The following HMCN1 variants were observed in gnomAD, a reference collection of about 807,000 sequenced individuals.
The protein encoded by HMCN1 is hemicentin 1.
A neutral mutation model predicts 625.9 loss-of-function variants in HMCN1; 321 were observed. That is an observed-to-expected ratio of 0.51 (90% CI 0.47 to 0.56). The LOEUF is 0.56. HMCN1 is among the 20% of genes least tolerant of loss of function. The probability of loss-of-function intolerance (pLI) is 0.00; values close to 1 mark genes in which losing one functional copy is unlikely to be tolerated. For missense variants in HMCN1, 6,588 were observed against 6,887.3 expected (o/e 0.96, Z 1.54); for synonymous variants, 2,425 against 2,417.6 (o/e 1.00, Z -0.09).
chr1:186,087,131 T>C (rs561352907), intron 58 of HMCN1, 86 bp from the exon 59 acceptor site: 34 of 823,296 alleles, frequency 4.1e-5, no homozygotes, highest in Non-Finnish European at 6.3e-5. Flanking sequence ...AGGGGAAGGA[T>C]ATATGTTGCT....
chr1:186,115,206 G>T, intron 74 of HMCN1, 52 bp from the exon 75 acceptor site: 1 of 1,597,812 alleles, frequency 6.3e-7, no homozygotes, highest in South Asian at 1.1e-5. Context: ...TATTTCAAAT[G>T]GCACGCTATT....
chr1:186,176,884 G>C (rs994804207), intron 103 of HMCN1: 1 of 152,658 alleles, frequency 6.6e-6, no homozygotes, highest in Admixed American at 6.5e-5. Flanking sequence ...AAAGGAAAGA[G>C]CAGGCCAGGT....
In HMCN1 at chr1:186,070,640, T is replaced by C; in HGVS notation, c.8022T>C (p.Leu2674=). ...CACCCATAATCAATAAAGGGGACCTTTGGGGGCCAGGTCTTTCCCCTAAAG... is the reference window on the plus strand; with the variant it reads ...CACCCATAATCAATAAAGGGGACCTCTGGGGGCCAGGTCTTTCCCCTAAAG... ...YIPPIINKGD[L]WGPGLSPKEV... is the part of the protein sequence containing the mutation. Residue 2674 remains leucine, a synonymous_variant, in exon 52 of 107, where the codon CTT becomes CTC. Transcript: ENST00000271588. 1 of 1,613,456 alleles carries C rather than the reference T, an allele frequency of 6.2e-7. No individual in the cohort carries two copies. Among genetic ancestry groups the C allele is most frequent in the South Asian group, 1.1e-5 (1 of 91,070 alleles).
chr1:185,920,258 T>C (rs1178650524), intron 6 of HMCN1, among the ~76,000 whole-genome samples: 1 of 151,896 alleles, frequency 6.6e-6, no homozygotes, highest in Non-Finnish European at 1.5e-5. Context: ...TTTAAACCAG[T>C]GTTAGTTTAT....
chr1:186,110,977 C>CTTTTT lies in HMCN1; in HGVS notation c.10990-1818_10990-1814dup, dbSNP rs557887846. On this transcript the variant is annotated intron_variant, in intron 71 of 106. Transcript: ENST00000271588. ...TACGGAAGAAAAACCAGAGAAAATT[C>CTTTTT]TTTTTTTTTTTTTTTTTTTTTGAGA... Among the ~76,000 whole-genome samples, 525 of 61,610 alleles carry CTTTTT rather than the reference C, an allele frequency of 8.5e-3. 173 individuals carry two copies. The highest frequency in any genetic ancestry group is 0.047 in the African/African-American group (476 of 10,174). 40.4% of individuals were successfully genotyped at this position (61,610 alleles called of 152,430 possible).
At chr1:186,163,998 A>G (rs1651702986) in intron 97 of HMCN1, among the ~76,000 whole-genome samples, 1 of 152,178 alleles carries the variant, frequency 6.6e-6, no homozygotes, top group African/African-American at 2.4e-5. Flanking sequence ...GCAGTGTCCC[A>G]CACAACATAA....
intron 1 of HMCN1, among the ~76,000 whole-genome samples, chr1:185,792,369 C>A (rs1658067715): frequency 2.0e-5 from 3 of 152,076 alleles, no homozygotes; most frequent in Non-Finnish European, 4.4e-5. Context: ...TCAAAGCATC[C>A]TTCTAGTTTT....
chr1:186,055,593 G>A lies in HMCN1; in HGVS notation c.7063G>A (p.Val2355Ile), dbSNP rs1203813740. The change falls in exon 45 of 107, where the codon GTA (valine) becomes ATA (isoleucine). Residue 2355 changes from valine to isoleucine, a missense_variant. Coordinates refer to ENST00000271588, the MANE Select transcript of HMCN1 (RefSeq NM_031935.3). The stretch of plus-strand genomic sequence containing the variant: ...CATCCTTCAGCTGAAGAACATTCAT[G>A]TATCTGACACAGGCCGTTATGTGTG... Reference protein sequence around the residue: ...GHILQLKNIHVSDTGRYVCVA... With the variant: ...GHILQLKNIHISDTGRYVCVA... 6.2e-7 allele frequency: 1 copy of A among 1,612,810 alleles called. No individual in the cohort carries two copies. The highest frequency in any genetic ancestry group is 1.1e-5 in the South Asian group (1 of 91,064).
intron 1 of HMCN1, among the ~76,000 whole-genome samples, chr1:185,832,981 T>C (rs1315551655): frequency 6.6e-6 from 1 of 152,192 alleles, no homozygotes. Context: ...TCAATAGATA[T>C]CTTCCATTGT....
chr1:185,879,587 C>T (rs1285754169), intron 4 of HMCN1, among the ~76,000 whole-genome samples: 1 of 152,144 alleles, frequency 6.6e-6, no homozygotes, highest in East Asian at 1.9e-4. Context: ...TTGAGGCCTA[C>T]TTACTATGTG....
chr1:186,119,736 T>C lies in HMCN1; in HGVS notation c.11957-9T>C, dbSNP rs1354090771. On this transcript the variant is annotated splice_polypyrimidine_tract_variant and intron_variant, in intron 78 of 106. Transcript: ENST00000271588. ...TATTACTTCTTTTTGTTGATTGGTT[T>C]TTTTATAGAGCCTCCAGTCATTCAG... 5 of 1,613,764 alleles carry C rather than the reference T, an allele frequency of 3.1e-6. No individual in the cohort carries two copies. In the African/African-American group the frequency reaches 6.7e-5, roughly 22 times the overall value.
chr1:185,859,019 ATG>A (rs71101981), intron 2 of HMCN1, among the ~76,000 whole-genome samples: 47,729 of 139,392 alleles, frequency 0.34, 8,285 homozygotes, highest in Admixed American at 0.45. Flanking sequence ...TGGGTTAAAG[ATG>A]TGTGTGTGTG....
Position 186,078,207 on chromosome 1 carries a change from T to C in HMCN1, c.8586T>C (p.Asp2862=). 2.5e-6 allele frequency: 4 copies of C among 1,608,472 alleles called. No homozygotes were observed. Among genetic ancestry groups the C allele is most frequent in the Non-Finnish European group, 3.4e-6 (4 of 1,175,164 alleles). The part of the protein sequence containing the change: ...NEAGEDSLQY[D]VRVLVPPIIK... ...CTGGAGAAGATTCCCTTCAATATGA[T>C]GTCCGTGTACTCGGTGAGTTTTTCT... Residue 2862 remains aspartate (D), a synonymous_variant, in exon 55 of 107, where the codon GAT becomes GAC. Coordinates refer to ENST00000271588, the MANE Select transcript of HMCN1 (RefSeq NM_031935.3).
Position 186,067,971 on chromosome 1 carries a change from C to A in HMCN1, c.7843C>A (p.Pro2615Thr), listed in dbSNP as rs754210982. 2 of 1,613,758 alleles carry A rather than the reference C, an allele frequency of 1.2e-6. No homozygotes were observed. Among genetic ancestry groups the A allele is most frequent in the South Asian group, 1.1e-5 (1 of 91,070 alleles). The change falls in exon 50 of 107, where the codon CCT (proline) becomes ACT (threonine). Residue 2615 changes from proline (P) to threonine (T), a missense_variant. Pro to Thr is a conservative substitution (Grantham distance 38). This residue lies in a region of HMCN1 where 4,628 missense variants were observed against 4,853.1 expected (regional missense o/e 0.95). Coordinates refer to ENST00000271588, the MANE Select transcript of HMCN1 (RefSeq NM_031935.3). ...CATCACCTGGTTTAAGGATGGCACT[C>A]CTTTAGAATCTAACCGAAATATTCG... ...ATITWFKDGT[P>T]LESNRNIRIL...
chr1:186,016,384 G>A, intron 32 of HMCN1, 145 bp downstream of exon 32: 1 of 712,634 alleles, frequency 1.4e-6, no homozygotes, highest in Non-Finnish European at 2.3e-6. Flanking sequence ...CATTACCAAG[G>A]GGTGGATTTG....
intron 50 of HMCN1, among the ~76,000 whole-genome samples, chr1:186,068,439 C>T (rs1405894722): frequency 1.3e-5 from 2 of 152,046 alleles, no homozygotes; most frequent in African/African-American, 2.4e-5. Context: ...TTATTTCTGG[C>T]TTTAAGAGAC....
Position 185,970,366 on chromosome 1 carries a change from C to T in HMCN1, c.2244C>T (p.Leu748=), listed in dbSNP as rs147713451. The part of the protein sequence containing the change: ...GDLELRPSTF[L]IIDPLLGLLK... The stretch of plus-strand genomic sequence containing the variant: ...TTGAGTTGAGGCCCTCAACATTCCT[C>T]ATTATTGACCCTCTCTTGGGACTTT... The change falls in exon 15 of 107, where the codon CTC becomes CTT. Residue 748 remains leucine, a synonymous_variant. Coordinates refer to ENST00000271588, the MANE Select transcript of HMCN1 (RefSeq NM_031935.3). 6.2e-7 allele frequency: 1 copy of T among 1,613,626 alleles called. No homozygotes were observed. The highest frequency in any genetic ancestry group is 8.5e-7 in the Non-Finnish European group (1 of 1,179,684).
intron 97 of HMCN1, among the ~76,000 whole-genome samples, chr1:186,162,880 A>G (rs1365191524): frequency 6.6e-6 from 1 of 152,216 alleles, no homozygotes; most frequent in Admixed American, 6.5e-5. Flanking sequence ...TTGAGGAGGC[A>G]GTCTGCCCAT....
At chr1:185,942,250 T>C (rs116499088) in intron 11 of HMCN1, among the ~76,000 whole-genome samples, 235 of 151,830 alleles carry the variant, frequency 1.5e-3, no homozygotes, top group African/African-American at 5.5e-3. Context: ...AATAAGTAAT[T>C]CAAGTATGTA....
Sources: allele counts gnomAD v4.1 joint callset (sites outside exome capture counted in the v4.1 genomes callset), GRCh38; gene constraint gnomAD v4.1.1; regional missense constraint gnomAD v4.1.1; transcripts MANE v1.5; gene names NCBI Gene and HGNC (gene_info 2026-07-23, HGNC 2026-07-21).